HIP1: variants seen among roughly 807,000 people sequenced by gnomAD.
HIP1 encodes the protein huntingtin-interacting protein 1.
A neutral mutation model predicts 147.6 loss-of-function variants in HIP1; 65 were observed. The ratio of observed to expected loss-of-function variants is 0.44; its 90% confidence interval spans 0.36 to 0.54. The LOEUF is 0.54. Among genes scored for constraint, HIP1 ranks in the 20% least tolerant of loss-of-function variants. The pLI, the probability that HIP1 is intolerant of heterozygous loss-of-function variation, is 0.00. For missense variants in HIP1, 1,061 were observed against 1,299.6 expected, an observed-to-expected ratio of 0.82 and a Z score of 2.82; for synonymous variants, 479 against 504.0, an observed-to-expected ratio of 0.95 and a Z score of 0.67.
chr7:75,738,696 C>T, intron 1 of HIP1, 105 bp downstream of exon 1: 1 of 1,340,636 alleles, frequency 7.5e-7, no homozygotes. Context: ...ACCCTCGCCC[C>T]GTCTTCAACT....
At chr7:75,682,652 G>A (rs78950664) in intron 1 of HIP1, among the ~76,000 whole-genome samples, 4,623 of 152,108 alleles carry the variant, frequency 0.03, 100 homozygotes, top group Admixed American at 0.06. Flanking sequence ...TTTCCCAGGA[G>A]ACAAGAGTTT....
At chr7:75,548,046 T>C (rs1554491362) in intron 23 of HIP1, among the ~76,000 whole-genome samples, 1 of 152,054 alleles carries the variant, frequency 6.6e-6, no homozygotes, top group Non-Finnish European at 1.5e-5. Flanking sequence ...TTGTTTTGTT[T>C]TGAGATGGAG....
chr7:75,676,308 C>T (rs781908303), intron 1 of HIP1, among the ~76,000 whole-genome samples: 1 of 152,182 alleles, frequency 6.6e-6, no homozygotes, highest in Non-Finnish European at 1.5e-5. Flanking sequence ...TGCAAACTTT[C>T]AACACCTAGC....
At chr7:75,669,073 C>CA (rs200505763) in intron 1 of HIP1, among the ~76,000 whole-genome samples, 18,940 of 146,172 alleles carry the variant, frequency 0.13, 1,326 homozygotes, top group East Asian at 0.17. Flanking sequence ...AACAAACAAA[C>CA]AAAAAAAACA....
chr7:75,592,494 G>T lies in HIP1; in HGVS notation c.205C>A (p.His69Asn), dbSNP rs1554501023. Reference sequence around the variant, plus strand: ...CAGAAGGTCTGTGCCCCTTTCTCATGGTGGGTGCCCAGTATGCACGGTGAG... The same window carrying T: ...CAGAAGGTCTGTGCCCCTTTCTCATTGTGGGTGCCCAGTATGCACGGTGAG... ...HARTCILGTH[H>N]EKGAQTFWSV... The change falls in exon 3 of 31, where the codon CAT (histidine) becomes AAT (asparagine). Residue 69 changes from histidine to asparagine, a missense_variant. His to Asn is a moderately conservative substitution (Grantham distance 68). Around this residue, in one of 3 missense-constraint regions of HIP1, gnomAD observed 225 missense variants for 292.9 expected, o/e 0.77. Transcript: ENST00000336926. 1 of 1,611,172 alleles carries T rather than the reference G, an allele frequency of 6.2e-7. No homozygotes were observed. Among genetic ancestry groups the T allele is most frequent in the Non-Finnish European group, 8.5e-7 (1 of 1,179,432 alleles).
intron 1 of HIP1, chr7:75,611,648 C>A (rs1393767465): frequency 7.8e-6 from 8 of 1,019,414 alleles, no homozygotes; most frequent in Non-Finnish European, 9.4e-6. Flanking sequence ...GCGGGCAGTG[C>A]GGGGCTGGGT....
chr7:75,608,657 CA>C (rs1168666887), intron 1 of HIP1, among the ~76,000 whole-genome samples: 1 of 152,140 alleles, frequency 6.6e-6, no homozygotes, highest in African/African-American at 2.4e-5. Flanking sequence ...GACCAATGGG[CA>C]GAAGTCCAGA....
intron 9 of HIP1, among the ~76,000 whole-genome samples, chr7:75,567,543 C>CT (rs1795452586): frequency 6.6e-6 from 1 of 151,404 alleles, no homozygotes. Context: ...TGGCTCACGC[C>CT]TGTAATCCCA....
chr7:75,596,981 A>G (rs1554502060), intron 2 of HIP1, among the ~76,000 whole-genome samples: 1 of 152,186 alleles, frequency 6.6e-6, no homozygotes, highest in Non-Finnish European at 1.5e-5. Flanking sequence ...TTCGTAGGTA[A>G]GGGTCAGGGC....
intron 1 of HIP1, among the ~76,000 whole-genome samples, chr7:75,694,304 C>G (rs1469710476): frequency 6.6e-6 from 1 of 152,054 alleles, no homozygotes; most frequent in Non-Finnish European, 1.5e-5. Context: ...TCTAAAATTT[C>G]ACAGTGCTAC....
chr7:75,562,144 G>A lies in HIP1; in HGVS notation c.1047C>T (p.Asp349=). 1 of 1,613,404 alleles carries A rather than the reference G, an allele frequency of 6.2e-7. No individual in the cohort carries two copies. The highest frequency in any genetic ancestry group is 8.5e-7 in the Non-Finnish European group (1 of 1,179,348). Residue 349 remains aspartate (D), a synonymous_variant, in exon 12 of 31, where the codon GAC becomes GAT. Coordinates refer to ENST00000336926, the MANE Select transcript of HIP1 (RefSeq NM_005338.7). Reference sequence around the variant, plus strand: ...CACTGCTGAATGAACTGCCAAAGATGTCATCAAACTTGTTGTCAAATAAAT... The same window carrying A: ...CACTGCTGAATGAACTGCCAAAGATATCATCAAACTTGTTGTCAAATAAAT... The part of the protein sequence containing the change: ...QQNLFDNKFD[D]IFGSSFSSDP...
At chr7:75,599,375 C>A in intron 1 of HIP1, 128 bp from the exon 2 acceptor site, 1 of 723,566 alleles carries the variant, frequency 1.4e-6, no homozygotes, top group Non-Finnish European at 2.4e-6. Flanking sequence ...CACGGGTGGT[C>A]GGTTCCTCTG....
At position 75,629,840 on chromosome 7, in the gene HIP1, C is replaced by A. The variant is rs782175406; in HGVS notation, c.121-30593G>T. Among the ~76,000 whole-genome samples, 24 of 152,252 alleles carry A rather than the reference C, an allele frequency of 1.6e-4. 1 individual carries two copies. The highest frequency in any genetic ancestry group is 5.3e-4 in the African/African-American group (22 of 41,546). On this transcript the variant is annotated intron_variant, in intron 1 of 30. Coordinates refer to ENST00000336926, the MANE Select transcript of HIP1 (RefSeq NM_005338.7). ...TATAGGTGTGAGCCACTGCGCCCGG[C>A]CTGCTCCCCTTCTTAAAGCACAGCT...
At position 75,546,813 on chromosome 7, in the gene HIP1, A is replaced by G. The variant is rs1584777731; in HGVS notation, c.2559+126T>C. 1.0e-5 allele frequency: 7 copies of G among 690,674 alleles called. No individual in the cohort carries two copies. The South Asian group carries it at 1.1e-4, about 11-fold the overall frequency. 42.8% of individuals were successfully genotyped at this position (690,674 alleles called of 1,614,324 possible). On this transcript the variant is annotated intron_variant, in intron 25 of 30. Transcript: ENST00000336926. ...CTCCCCAGGGCCTCTGCTGATATCT[A>G]CAGGAGTGGCTGCTCTGTACTCAGG...
In HIP1 at chr7:75,723,910, C is replaced by T. The variant is rs566938627; in HGVS notation, c.120+14891G>A. Among the ~76,000 whole-genome samples the T allele has an allele frequency of 9.5e-4, 144 of 151,328 alleles. 1 individual carries two copies. Among genetic ancestry groups the T allele is most frequent in the African/African-American group, 3.4e-3 (140 of 41,236 alleles). On this transcript the variant is annotated intron_variant, in intron 1 of 30. Transcript: ENST00000336926. Reference sequence around the variant, plus strand: ...GACTATAGGTGTGTGTCAGTGCGCCCGGCTAATTTTTTTATTATTATTATC... The same window carrying T: ...GACTATAGGTGTGTGTCAGTGCGCCTGGCTAATTTTTTTATTATTATTATC...
At chr7:75,548,749 C>T (rs1794666347) in intron 23 of HIP1, 142 bp downstream of exon 23, 1 of 702,244 alleles carries the variant, frequency 1.4e-6, no homozygotes, top group East Asian at 2.5e-5. Flanking sequence ...CAGGCATGAG[C>T]CACTGTGCCT....
chr7:75,602,994 G>C (rs1165106926), intron 1 of HIP1, among the ~76,000 whole-genome samples: 1 of 151,904 alleles, frequency 6.6e-6, no homozygotes, highest in Non-Finnish European at 1.5e-5. Flanking sequence ...ACAGAGATGA[G>C]TGATGAGTCT....
Position 75,568,278 on chromosome 7 carries a change from G to A in HIP1, c.746-22C>T, listed in dbSNP as rs782413366. On this transcript the variant is annotated intron_variant, in intron 8 of 30. Transcript: ENST00000336926. The surrounding 1 kb of genome is among the most constrained non-coding windows in gnomAD (Gnocchi z 4.1). The stretch of plus-strand genomic sequence containing the variant: ...AGGCCTGGAAGAAATTGGAAAGAGT[G>A]TGAGAGGGGAGGGGGACCAGAGGGC... The A allele has an allele frequency of 2.5e-6, 4 of 1,574,930 alleles. No homozygotes were observed. Among genetic ancestry groups the A allele is most frequent in the South Asian group, 2.2e-5 (2 of 90,266 alleles).
At chr7:75,596,063 A>AC (rs1257006682) in intron 2 of HIP1, among the ~76,000 whole-genome samples, 2 of 151,912 alleles carry the variant, frequency 1.3e-5, no homozygotes, top group African/African-American at 4.8e-5. Flanking sequence ...CCACAGTGAG[A>AC]CCCCATCTCT....
Sources: gnomAD v4.1 joint callset for allele counts (sites outside exome capture counted in the v4.1 genomes callset) on GRCh38, gnomAD v4.1.1 for gene constraint, gnomAD v4.1.1 regional missense constraint, Gnocchi (gnomAD v3.1) non-coding constraint, MANE v1.5 for transcripts, NCBI Gene and HGNC (gene_info 2026-07-23, HGNC 2026-07-21) for gene names.